The following PLCB4 variants were observed in gnomAD, a reference collection of about 807,000 sequenced individuals.
PLCB4 encodes 1-phosphatidylinositol 4,5-bisphosphate phosphodiesterase beta-4.
Under a neutral mutation model 178.8 loss-of-function variants are expected in PLCB4, and 77 were observed. That is an observed-to-expected ratio of 0.43 (90% CI 0.36 to 0.52). The LOEUF is 0.52. Ranked by LOEUF, PLCB4 falls within the 20% of genes least tolerant of loss-of-function variation. The probability of loss-of-function intolerance (pLI) is 0.00; values close to 1 mark genes in which losing one functional copy is unlikely to be tolerated. For synonymous variants in PLCB4, 496 were observed against 490.8 expected (o/e 1.01, Z -0.14); for missense variants, 1,024 against 1,453.4 (o/e 0.70, Z 4.80).
At chr20:9,237,759 A>G (rs1260517404) in intron 3 of PLCB4, among the ~76,000 whole-genome samples, 11 of 152,252 alleles carry the variant, frequency 7.2e-5, no homozygotes, top group Non-Finnish European at 8.8e-5. Context: ...ACACAGTTAG[A>G]CACTTTTCTT....
intron 2 of PLCB4, among the ~76,000 whole-genome samples, chr20:9,102,097 A>T (rs1425760280): frequency 1.3e-5 from 2 of 152,102 alleles, no homozygotes; most frequent in South Asian, 2.1e-4. Context: ...TGCCTGCCTC[A>T]GCCTCCCAAA....
chr20:9,334,660 G>A (rs963019307), intron 4 of PLCB4, among the ~76,000 whole-genome samples: 1 of 152,126 alleles, frequency 6.6e-6, no homozygotes, highest in African/African-American at 2.4e-5. Flanking sequence ...GGGAGTGATT[G>A]CAATATTGGG....
chr20:9,281,947 G>T (rs2094498023), intron 3 of PLCB4, among the ~76,000 whole-genome samples: 1 of 151,914 alleles, frequency 6.6e-6, no homozygotes, highest in African/African-American at 2.4e-5. Flanking sequence ...GCCAAATGTT[G>T]TACATGGCTA....
At chr20:9,409,724 A>G (rs2039719657) in intron 24 of PLCB4, among the ~76,000 whole-genome samples, 1 of 152,214 alleles carries the variant, frequency 6.6e-6, no homozygotes, top group Non-Finnish European at 1.5e-5. Flanking sequence ...TTGGTCCTCC[A>G]AAGTGTACTC....
rs371129137 is a variant in PLCB4 at position 9,097,835 on chromosome 20, A to G, written c.-79+1493A>G. On this transcript the variant is annotated intron_variant, in intron 2 of 39. Coordinates refer to ENST00000378473, the MANE Select transcript of PLCB4 (RefSeq NM_001377142.1). ...AAGTGAAGACTATGGTCCATACTAT[A>G]TCATTGGAAATCTAGTGTGGAGAAC... 1.4e-4 allele frequency among the ~76,000 whole-genome samples: 22 copies of G among 152,308 alleles called. No individual in the cohort carries two copies. The South Asian group carries it at 4.1e-3, about 29-fold the overall frequency.
chr20:9,429,785 A>T (rs2041269595), intron 28 of PLCB4, among the ~76,000 whole-genome samples: 1 of 152,254 alleles, frequency 6.6e-6, no homozygotes, highest in Non-Finnish European at 1.5e-5. Context: ...AAATTATCTT[A>T]AAGATGCCAA....
At chr20:9,365,567 C>G in intron 9 of PLCB4, 53 bp downstream of exon 9, 1 of 1,072,232 alleles carries the variant, frequency 9.3e-7, no homozygotes, top group South Asian at 1.3e-5. Flanking sequence ...GCTTGTCATC[C>G]CAAACCAAAG....
At chr20:9,421,269 C>G (rs752543788) in intron 26 of PLCB4, 28 bp from the exon 27 acceptor site, 35 of 1,580,820 alleles carry the variant, frequency 2.2e-5, no homozygotes, top group Non-Finnish European at 2.9e-5. Context: ...GAGCTTACTT[C>G]TCTTTGCTCT....
chr20:9,082,819 G>C (rs1347439426), intron 1 of PLCB4, among the ~76,000 whole-genome samples: 1 of 152,162 alleles, frequency 6.6e-6, no homozygotes, highest in African/African-American at 2.4e-5. Context: ...GCCATAAGTA[G>C]CATAGAGGGA....
chr20:9,409,270 T>C lies in PLCB4; in HGVS notation c.1999+89T>C, dbSNP rs191276107. ...CTTCCCATCAGTTGGCTGTGGGCAT[T>C]TTTTAAAGGAAGCAGACATATGGCA... On this transcript the variant is annotated intron_variant, in intron 24 of 39. Transcript: ENST00000378473. 2.2e-3 allele frequency: 2,270 copies of C among 1,033,382 alleles called. 5 individuals carry two copies. Among genetic ancestry groups the C allele is most frequent in the Non-Finnish European group, 2.8e-3 (2,039 of 727,424 alleles). The allele number at this position is 1,033,382 out of a possible 1,614,324, so 64.0% of individuals were successfully genotyped here.
At chr20:9,458,357 A>G (rs1403318479) in intron 34 of PLCB4, among the ~76,000 whole-genome samples, 1 of 152,228 alleles carries the variant, frequency 6.6e-6, no homozygotes, top group East Asian at 1.9e-4. Flanking sequence ...ATGTTTGAGA[A>G]TTAGTAGTTG....
At chr20:9,354,993 C>T (rs555442223) in intron 7 of PLCB4, among the ~76,000 whole-genome samples, 3 of 152,336 alleles carry the variant, frequency 2.0e-5, no homozygotes, top group South Asian at 4.1e-4. Flanking sequence ...GATTGAAAGA[C>T]AGCCCAAGTA....
intron 24 of PLCB4, among the ~76,000 whole-genome samples, chr20:9,410,030 C>A (rs79942547): frequency 1.3e-5 from 2 of 152,274 alleles, no homozygotes; most frequent in East Asian, 3.9e-4. Flanking sequence ...CCATGCTTCC[C>A]AATTTGAGGA....
intron 3 of PLCB4, among the ~76,000 whole-genome samples, chr20:9,240,274 C>T (rs922008997): frequency 2.6e-5 from 4 of 151,652 alleles, no homozygotes; most frequent in Admixed American, 6.6e-5. Flanking sequence ...GGAGGTAGGC[C>T]GAAGAATTTT....
At chr20:9,358,003 G>T (rs1203960160) in intron 7 of PLCB4, among the ~76,000 whole-genome samples, 1 of 152,166 alleles carries the variant, frequency 6.6e-6, no homozygotes, top group African/African-American at 2.4e-5. Flanking sequence ...CCATGGTTCT[G>T]GGATGAGACC....
chr20:9,196,599 C>G (rs1479219666), intron 2 of PLCB4, among the ~76,000 whole-genome samples: 1 of 152,130 alleles, frequency 6.6e-6, no homozygotes, highest in African/African-American at 2.4e-5. Context: ...AGGACATTGG[C>G]TGCTGTTACT....
intron 27 of PLCB4, among the ~76,000 whole-genome samples, 189 bp downstream of exon 27, chr20:9,421,650 C>A (rs898744293): frequency 6.6e-6 from 1 of 152,078 alleles, no homozygotes; most frequent in Non-Finnish European, 1.5e-5. Flanking sequence ...TTTTGGTTCT[C>A]CTCTCCTCCT....
intron 36 of PLCB4, among the ~76,000 whole-genome samples, chr20:9,469,866 G>A (rs561819779): frequency 6.6e-6 from 1 of 152,296 alleles, no homozygotes; most frequent in African/African-American, 2.4e-5. Context: ...GCGATCACCA[G>A]TGCTGCCCAT....
chr20:9,193,774 A>G (rs1601046740), intron 2 of PLCB4, among the ~76,000 whole-genome samples: 1 of 152,306 alleles, frequency 6.6e-6, no homozygotes, highest in East Asian at 1.9e-4. Flanking sequence ...GATCTTTGGG[A>G]ATGTTTATAT....
Sources: allele counts gnomAD v4.1 joint callset (sites outside exome capture counted in the v4.1 genomes callset), GRCh38; gene constraint gnomAD v4.1.1; transcripts MANE v1.5; gene names NCBI Gene and HGNC (gene_info 2026-07-23, HGNC 2026-07-21).